LYPLAL1: variants seen among roughly 807,000 people sequenced by gnomAD.
LYPLAL1 encodes lysophospholipase-like protein 1.
In LYPLAL1, 23 loss-of-function variants were observed where a neutral mutation model predicts 19.7. The observed-to-expected ratio is 1.17, with a 90% CI of 0.84 to 1.65. The LOEUF (loss-of-function observed/expected upper bound fraction) is 1.65, where lower values mean the gene tolerates loss of function less well. Among genes scored for constraint, LYPLAL1 ranks in the 40% most tolerant of loss-of-function variants. LYPLAL1 has a pLI of 0.00. For missense variants in LYPLAL1, 355 were observed against 279.4 expected, an observed-to-expected ratio of 1.27 and a Z score of -1.93; for synonymous variants, 119 against 96.3, an observed-to-expected ratio of 1.24 and a Z score of -1.38.
At chr1:219,241,097 A>ATTCTCTCT in the LYPLAL1 span, among the ~76,000 whole-genome samples, 1 of 60,532 alleles carries the variant, frequency 1.7e-5, no homozygotes, top group Non-Finnish European at 3.2e-5. Context: ...AAATATATAT[A>ATTCTCTCT]ATCTCTCTCT....
the LYPLAL1 span, among the ~76,000 whole-genome samples, chr1:219,269,042 C>T: frequency 6.6e-6 from 1 of 152,220 alleles, no homozygotes; most frequent in Non-Finnish European, 1.5e-5. Flanking sequence ...AAGGCAGTCA[C>T]CTGCTCTAAG....
chr1:219,439,869 A>G, the LYPLAL1 span, among the ~76,000 whole-genome samples: 6 of 151,210 alleles, frequency 4.0e-5, no homozygotes, highest in Non-Finnish European at 5.9e-5. Flanking sequence ...ACAAAAGCAA[A>G]CTAAAACAAG....
Position 219,210,697 on chromosome 1 carries a change from G to A in LYPLAL1, c.477+50G>A, listed in dbSNP as rs146885626. The A allele has an allele frequency of 2.4e-5, 36 of 1,530,478 alleles. No homozygotes were observed. The African/African-American group carries it at 3.8e-4, about 16-fold the overall frequency. 94.8% of individuals were successfully genotyped at this position (1,530,478 alleles called of 1,614,324 possible). On this transcript the variant is annotated intron_variant, in intron 4 of 4. Coordinates refer to ENST00000366928, the MANE Select transcript of LYPLAL1 (RefSeq NM_138794.5). ...TGAAAAAAATATGAAATATATACAT[G>A]TTAAAACTAAAGCAAAATCGGTAAT...
chr1:219,383,451 C>A, the LYPLAL1 span, among the ~76,000 whole-genome samples: 1 of 152,308 alleles, frequency 6.6e-6, no homozygotes. Flanking sequence ...TGTATCACTG[C>A]ACTACCACAG....
chr1:219,317,088 T>G, the LYPLAL1 span, among the ~76,000 whole-genome samples: 3 of 152,224 alleles, frequency 2.0e-5, no homozygotes, highest in Non-Finnish European at 4.4e-5. Context: ...ATTGGAAAAT[T>G]TTTAAGGTCA....
the LYPLAL1 span, among the ~76,000 whole-genome samples, chr1:219,314,416 G>C: frequency 6.6e-6 from 1 of 152,144 alleles, no homozygotes; most frequent in Non-Finnish European, 1.5e-5. Context: ...TTCCGCAATG[G>C]TTGACAGAGA....
chr1:219,301,503 C>A, the LYPLAL1 span, among the ~76,000 whole-genome samples: 1 of 152,060 alleles, frequency 6.6e-6, no homozygotes, highest in Non-Finnish European at 1.5e-5. Flanking sequence ...TCTATTTAGA[C>A]CATGCTTTTA....
chr1:219,252,047 T>G, the LYPLAL1 span, among the ~76,000 whole-genome samples: 1 of 152,068 alleles, frequency 6.6e-6, no homozygotes, highest in South Asian at 2.1e-4. Context: ...TTTGTGGCAT[T>G]TGTGAATGGG....
At chr1:219,299,391 TA>T in the LYPLAL1 span, among the ~76,000 whole-genome samples, 6 of 152,084 alleles carry the variant, frequency 3.9e-5, no homozygotes, top group Admixed American at 2.0e-4. Context: ...CGGGAAAGTT[TA>T]AAAAAAGAAG....
At chr1:219,234,556 A>G in the LYPLAL1 span, among the ~76,000 whole-genome samples, 5 of 152,258 alleles carry the variant, frequency 3.3e-5, no homozygotes, top group African/African-American at 7.2e-5. Flanking sequence ...TAGAGAAAAT[A>G]TTGAAAGTTA....
the LYPLAL1 span, among the ~76,000 whole-genome samples, chr1:219,365,630 AC>A: frequency 1.3e-5 from 2 of 152,104 alleles, no homozygotes; most frequent in South Asian, 4.1e-4. Context: ...GCCAGACCAG[AC>A]CCCCTCTTCA....
chr1:219,351,548 C>T, the LYPLAL1 span, among the ~76,000 whole-genome samples: 1 of 151,968 alleles, frequency 6.6e-6, no homozygotes, highest in Non-Finnish European at 1.5e-5. Flanking sequence ...AATACTTCAC[C>T]GAGAATGCCC....
chr1:219,243,946 G>T, the LYPLAL1 span, among the ~76,000 whole-genome samples: 1 of 151,356 alleles, frequency 6.6e-6, no homozygotes, highest in South Asian at 2.1e-4. Context: ...GATTTGGGAG[G>T]TAGGGAGGTA....
the LYPLAL1 span, among the ~76,000 whole-genome samples, chr1:219,322,682 G>A: frequency 0.34 from 52,156 of 151,898 alleles, 9,838 homozygotes; most frequent in East Asian, 0.81. Context: ...GCGATGCTAA[G>A]AACAAAGAAA....
chr1:219,260,293 G>A, the LYPLAL1 span, among the ~76,000 whole-genome samples: 1 of 151,466 alleles, frequency 6.6e-6, no homozygotes, highest in African/African-American at 2.4e-5. Flanking sequence ...ACTGAATGAG[G>A]AAAAAATTGT....
chr1:219,297,299 G>A, the LYPLAL1 span, among the ~76,000 whole-genome samples: 1 of 152,102 alleles, frequency 6.6e-6, no homozygotes, highest in African/African-American at 2.4e-5. Flanking sequence ...TGTACATTTT[G>A]GTCCAACTTT....
At chr1:219,367,307 G>A in the LYPLAL1 span, among the ~76,000 whole-genome samples, 54 of 152,104 alleles carry the variant, frequency 3.6e-4, no homozygotes, top group Non-Finnish European at 3.5e-4. Context: ...TGATGTTGAC[G>A]TTGTTCTCAA....
At chr1:219,266,936 A>G in the LYPLAL1 span, among the ~76,000 whole-genome samples, 4 of 152,210 alleles carry the variant, frequency 2.6e-5, no homozygotes, top group African/African-American at 9.6e-5. Flanking sequence ...GAGTATGTAG[A>G]AGATAAATAG....
chr1:219,270,154 C>T, the LYPLAL1 span, among the ~76,000 whole-genome samples: 1 of 152,314 alleles, frequency 6.6e-6, no homozygotes, highest in African/African-American at 2.4e-5. Context: ...TTCACTCAGT[C>T]AAAGATGCCA....
Sources: gnomAD v4.1 joint callset for allele counts (sites outside exome capture counted in the v4.1 genomes callset) on GRCh38, gnomAD v4.1.1 for gene constraint, MANE v1.5 for transcripts, NCBI Gene and HGNC (gene_info 2026-07-23, HGNC 2026-07-21) for gene names.